FSCN2: variants seen among roughly 807,000 people sequenced by gnomAD.
FSCN2 encodes the protein fascin-2.
FSCN2 carries 46 observed loss-of-function variants against 37.8 expected under a neutral mutation model. That is an observed-to-expected ratio of 1.22 (90% CI 0.96 to 1.56). The LOEUF (loss-of-function observed/expected upper bound fraction) is 1.56, where lower values mean the gene tolerates loss of function less well. Among genes scored for constraint, FSCN2 ranks in the 40% most tolerant of loss-of-function variants. FSCN2 has a pLI of 0.00. For missense variants in FSCN2, 844 were observed against 730.4 expected (o/e 1.16, Z -1.79); for synonymous variants, 351 against 309.4 (o/e 1.13, Z -1.41).
the FSCN2 span, among the ~76,000 whole-genome samples, chr17:81,515,094 GGGGATGCGGGTCTGCCTGTCCCT>G: frequency 1.3e-5 from 2 of 151,896 alleles, no homozygotes; most frequent in African/African-American, 2.4e-5. Context: ...CGACGGCGGC[GGGGATGCGGGTCTGCCTGTCCCT>G]GGGATGCGGG....
At chr17:81,531,726 G>GATGGTGA (rs2032624789) in intron 1 of FSCN2, among the ~76,000 whole-genome samples, 4 of 109,204 alleles carry the variant, frequency 3.7e-5, no homozygotes, top group Non-Finnish European at 5.3e-5. Context: ...GGTGGTGATG[G>GATGGTGA]TGATGGTGAT....
At chr17:81,534,289 C>T (rs532282561) in intron 1 of FSCN2, among the ~76,000 whole-genome samples, 30 of 152,276 alleles carry the variant, frequency 2.0e-4, no homozygotes, top group South Asian at 6.2e-4. Context: ...GCTCTGCCCA[C>T]CACTCCCTCC....
intron 1 of FSCN2, among the ~76,000 whole-genome samples, chr17:81,531,528 GCGA>G (rs2032601204): frequency 4.3e-5 from 4 of 92,592 alleles, no homozygotes; most frequent in African/African-American, 9.2e-5. Flanking sequence ...GGTGGTGATG[GCGA>G]TGGTGGTGAT....
upstream of FSCN2, among the ~76,000 whole-genome samples, chr17:81,525,419 C>G (rs1460704889): frequency 3.5e-5 from 2 of 56,406 alleles, no homozygotes; most frequent in Admixed American, 1.5e-4. Flanking sequence ...GAGCAAGACT[C>G]TGTCTCAAAA....
upstream of FSCN2, chr17:81,527,342 G>C (rs1056268376): frequency 6.6e-6 from 1 of 152,310 alleles, no homozygotes; most frequent in Non-Finnish European, 1.5e-5. Flanking sequence ...TTATGAGGAA[G>C]AGGACACCGG....
the FSCN2 span, among the ~76,000 whole-genome samples, chr17:81,516,330 C>T: frequency 2.6e-5 from 4 of 152,258 alleles, no homozygotes; most frequent in Non-Finnish European, 4.4e-5. Context: ...GGGAATAGAG[C>T]ATTGGGAAAC....
the FSCN2 span, among the ~76,000 whole-genome samples, chr17:81,517,988 G>C: frequency 3.3e-5 from 5 of 152,164 alleles, no homozygotes; most frequent in Non-Finnish European, 5.9e-5. Flanking sequence ...GGCAGTGCGC[G>C]TCCTGCAACC....
chr17:81,536,403 TG>T, intron 3 of FSCN2, 136 bp downstream of exon 3: 1 of 1,432,388 alleles, frequency 7.0e-7, no homozygotes, highest in Non-Finnish European at 9.4e-7. Context: ...GAGTCATACT[TG>T]CTAGTCAAGA....
intron 1 of FSCN2, among the ~76,000 whole-genome samples, chr17:81,533,641 C>A (rs1207781419): frequency 6.6e-6 from 1 of 152,260 alleles, no homozygotes; most frequent in Non-Finnish European, 1.5e-5. Flanking sequence ...GACACTTCTT[C>A]ACACTCATTT....
At chr17:81,536,039 A>T (rs2032865934) in intron 2 of FSCN2, 107 bp from the exon 3 acceptor site, 2 of 1,380,434 alleles carry the variant, frequency 1.4e-6, no homozygotes, top group African/African-American at 2.9e-5. Flanking sequence ...GTGTCAGTGG[A>T]GGGCAGGCTT....
chr17:81,531,336 ATGG>A (rs1555671268), intron 1 of FSCN2, among the ~76,000 whole-genome samples: 35 of 45,446 alleles, frequency 7.7e-4, no homozygotes, highest in Middle Eastern at 0.015. Flanking sequence ...GGTGGTGGTG[ATGG>A]TGGTGGTGAT....
chr17:81,531,606 ATGGTGATGATGGTGATGG>A (rs1360450864), intron 1 of FSCN2, among the ~76,000 whole-genome samples: 5 of 77,454 alleles, frequency 6.5e-5, no homozygotes, highest in Non-Finnish European at 1.0e-4. Flanking sequence ...AGTGATGATA[ATGGTGATGATGGTGATGG>A]TGGTGGTGAT....
In FSCN2 at chr17:81,529,073, G is replaced by C; in HGVS notation, c.542G>C (p.Ser181Thr). 1.9e-6 allele frequency: 3 copies of C among 1,590,950 alleles called. No individual in the cohort carries two copies. The highest frequency in any genetic ancestry group is 2.6e-6 in the Non-Finnish European group (3 of 1,171,146). The change falls in exon 1 of 5, where the codon AGC (serine) becomes ACC (threonine). Residue 181 changes from serine to threonine, a missense_variant. Transcript: ENST00000417245. ...VDALLTLIFR[S>T]RRYCLKSCDS... ...GCCCTCCTCACCCTCATCTTCCGGAGCCGACGGTACTGCCTCAAGTCCTGT... is the reference window on the plus strand; with the variant it reads ...GCCCTCCTCACCCTCATCTTCCGGACCCGACGGTACTGCCTCAAGTCCTGT...
chr17:81,531,174 ATGG>A (rs1555671190), intron 1 of FSCN2, among the ~76,000 whole-genome samples: 9 of 129,822 alleles, frequency 6.9e-5, no homozygotes, highest in African/African-American at 2.7e-4. Flanking sequence ...GATGGTGGTG[ATGG>A]TGATGATGGT....
rs186186388 is a variant in FSCN2 at position 81,529,443 on chromosome 17, T to C, written c.826+86T>C. The C allele has an allele frequency of 1.6e-3, 1,696 of 1,033,520 alleles. 20 individuals carry two copies. In the African/African-American group the frequency reaches 0.023, roughly 14 times the overall value. 64.0% of individuals were successfully genotyped at this position (1,033,520 alleles called of 1,614,324 possible). On this transcript the variant is annotated intron_variant, in intron 1 of 4. Transcript: ENST00000417245. ...GAGGCCGTGGGGGTCTCACGGGGAG[T>C]GGTATCGTGTCTGTGCGTTCACATG...
intron 1 of FSCN2, among the ~76,000 whole-genome samples, chr17:81,532,518 A>G (rs865998696): frequency 3.3e-5 from 1 of 30,624 alleles, no homozygotes; most frequent in Admixed American, 2.7e-4. Context: ...AATGGTGACG[A>G]TGGTGATGAT....
rs1437329903 is a variant in FSCN2 at position 81,529,268 on chromosome 17, C to T, written c.737C>T (p.Pro246Leu). 4.4e-6 allele frequency: 7 copies of T among 1,594,442 alleles called. No homozygotes were observed. Among genetic ancestry groups the T allele is most frequent in the Non-Finnish European group, 6.0e-6 (7 of 1,168,282 alleles). ...GTLKAGRNTR[P>L]GKDELFDLEE... ...CTCAAGGCCGGCCGAAACACGCGAC[C>T]TGGCAAGGATGAGCTCTTTGATCTG... is the stretch of plus-strand genomic sequence containing the variant. The change falls in exon 1 of 5, where the codon CCT becomes CTT. Residue 246 changes from proline to leucine, a missense_variant. Physicochemically the swap from Pro to Leu is moderately conservative, Grantham distance 98. Coordinates refer to ENST00000417245, the MANE Select transcript of FSCN2 (RefSeq NM_012418.4).
intron 1 of FSCN2, among the ~76,000 whole-genome samples, chr17:81,532,187 GGTGATGGTGGTGGTGGTGATGATA>G (rs2032682779): frequency 1.3e-5 from 2 of 148,264 alleles, no homozygotes; most frequent in Non-Finnish European, 3.0e-5. Context: ...TGATGGTGGT[GGTGATGGTGGTGGTGGTGATGATA>G]GTGATGGTGA....
chr17:81,525,472 C>G (rs782400490), upstream of FSCN2, among the ~76,000 whole-genome samples: 4 of 147,954 alleles, frequency 2.7e-5, no homozygotes, highest in Non-Finnish European at 6.0e-5. Context: ...GCTGTAATCC[C>G]AGCACTTTGA....
Sources: allele counts gnomAD v4.1 joint callset (sites outside exome capture counted in the v4.1 genomes callset), GRCh38; gene constraint gnomAD v4.1.1; transcripts MANE v1.5; gene names NCBI Gene and HGNC (gene_info 2026-07-23, HGNC 2026-07-21).